NEK11: variants seen among roughly 807,000 people sequenced by gnomAD.
NEK11 encodes serine/threonine-protein kinase Nek11.
In NEK11, 72 loss-of-function variants were observed where a neutral mutation model predicts 80.7. The observed-to-expected ratio is 0.89, with a 90% CI of 0.74 to 1.08. NEK11 has a LOEUF of 1.08. NEK11 is among the 50% of genes least tolerant of loss of function. The probability of loss-of-function intolerance (pLI) is 0.00; values close to 1 mark genes in which losing one functional copy is unlikely to be tolerated. For missense variants in NEK11, 764 were observed against 763.6 expected (o/e 1.00, Z -0.01); for synonymous variants, 251 against 260.7 (o/e 0.96, Z 0.36).
chr3:131,163,051 A>G (rs974376464), intron 11 of NEK11, among the ~76,000 whole-genome samples: 1 of 152,224 alleles, frequency 6.6e-6, no homozygotes, highest in African/African-American at 2.4e-5. Flanking sequence ...AGATATCACT[A>G]GTAATTAGAG....
At chr3:131,134,114 C>T in intron 7 of NEK11, 158 bp downstream of exon 7, 1 of 566,668 alleles carries the variant, frequency 1.8e-6, no homozygotes, top group Non-Finnish European at 2.7e-6. Flanking sequence ...ATTTAGAACT[C>T]AATATATTTC....
At chr3:131,029,449 T>G (rs1162501086) in intron 2 of NEK11, 164 bp from the exon 3 acceptor site, 1 of 288,578 alleles carries the variant, frequency 3.5e-6, no homozygotes, top group Non-Finnish European at 6.4e-6. Context: ...AAGATTGCCT[T>G]CTGGAATTTG....
chr3:131,286,116 A>G (rs1291698141), intron 17 of NEK11, among the ~76,000 whole-genome samples: 1 of 152,212 alleles, frequency 6.6e-6, no homozygotes, highest in Non-Finnish European at 1.5e-5. Context: ...CCCTGACTTT[A>G]TGAGTTAGTG....
intron 17 of NEK11, among the ~76,000 whole-genome samples, chr3:131,304,957 G>C (rs990664109): frequency 6.6e-6 from 1 of 152,078 alleles, no homozygotes; most frequent in Non-Finnish European, 1.5e-5. Flanking sequence ...GCTGGTGGCA[G>C]TGATGGCATG....
chr3:131,053,024 A>T (rs2068707831), intron 3 of NEK11, among the ~76,000 whole-genome samples: 1 of 152,126 alleles, frequency 6.6e-6, no homozygotes, highest in South Asian at 2.1e-4. Flanking sequence ...GCCCCCCGGG[A>T]CACTCTTATT....
rs540341687 is a variant in NEK11, at chr3:131,302,718, C to T, written c.1718+29144C>T. Among the ~76,000 whole-genome samples, 39 of 151,994 alleles carry T rather than the reference C, an allele frequency of 2.6e-4. 2 individuals are homozygous for T. The South Asian group carries it at 7.3e-3, about 28-fold the overall frequency. Reference sequence around the variant, plus strand: ...TGTGCTGTGGACTGAGAGCTTGGTTCGTATGATTTCGATTTTTTTTCAGTT... The same window carrying T: ...TGTGCTGTGGACTGAGAGCTTGGTTTGTATGATTTCGATTTTTTTTCAGTT... On this transcript the variant is annotated intron_variant, in intron 17 of 17. Coordinates refer to ENST00000383366, the MANE Select transcript of NEK11 (RefSeq NM_024800.5).
chr3:131,316,660 C>T lies in NEK11; in HGVS notation c.1719-32897C>T, dbSNP rs1366736497. Among the ~76,000 whole-genome samples the T allele has an allele frequency of 2.6e-5, 4 of 152,084 alleles. No individual in the cohort carries two copies. In the South Asian group the frequency reaches 8.3e-4, roughly 32 times the overall value. ...TTTGTTTTTGCTTTTTTTGTTGATACTTTAAAAACAGTATCTTTATGTCAT... is the reference window on the plus strand; with the variant it reads ...TTTGTTTTTGCTTTTTTTGTTGATATTTTAAAAACAGTATCTTTATGTCAT... On this transcript the variant is annotated intron_variant, in intron 17 of 17. Coordinates refer to ENST00000383366, the MANE Select transcript of NEK11 (RefSeq NM_024800.5).
At chr3:131,314,225 G>A (rs2096812338) in intron 17 of NEK11, among the ~76,000 whole-genome samples, 1 of 152,048 alleles carries the variant, frequency 6.6e-6, no homozygotes, top group Non-Finnish European at 1.5e-5. Context: ...CTTCTGTGCT[G>A]TTACAGCATC....
rs2097186407 is a variant in NEK11, at chr3:131,336,475, GT to G, written c.1719-13079del. Among the ~76,000 whole-genome samples the G allele has an allele frequency of 1.4e-4, 21 of 152,238 alleles. No individual in the cohort carries two copies. In the South Asian group the frequency reaches 4.4e-3, roughly 32 times the overall value. On this transcript the variant is annotated intron_variant, in intron 17 of 17. Transcript: ENST00000383366. The stretch of plus-strand genomic sequence containing the variant: ...CTTATACAAAAATTAATTCAAGATG[GT>G]TTAAAGACTTAAACATTAGACCTGA...
intron 16 of NEK11, among the ~76,000 whole-genome samples, chr3:131,250,460 G>GACATTT (rs2095679767): frequency 1.3e-5 from 2 of 152,000 alleles, no homozygotes; most frequent in Non-Finnish European, 2.9e-5. Flanking sequence ...GACATTTGCA[G>GACATTT]GCATCCAATA....
At chr3:131,209,525 T>C (rs1019196193) in intron 14 of NEK11, among the ~76,000 whole-genome samples, 1 of 152,178 alleles carries the variant, frequency 6.6e-6, no homozygotes, top group African/African-American at 2.4e-5. Flanking sequence ...TCTTTTTCTA[T>C]TGATCTATTG....
intron 4 of NEK11, among the ~76,000 whole-genome samples, chr3:131,106,037 T>C (rs942144031): frequency 2.6e-5 from 4 of 152,244 alleles, no homozygotes; most frequent in African/African-American, 7.2e-5. Flanking sequence ...TTACATATTT[T>C]AATTAGAATT....
intron 4 of NEK11, among the ~76,000 whole-genome samples, chr3:131,081,899 T>C (rs563034088): frequency 3.9e-4 from 60 of 152,326 alleles, no homozygotes; most frequent in Admixed American, 6.5e-4. Flanking sequence ...AGAACAACCT[T>C]GCCTGCTTTA....
intron 17 of NEK11, among the ~76,000 whole-genome samples, chr3:131,295,086 T>C (rs892194546): frequency 6.6e-6 from 1 of 152,194 alleles, no homozygotes; most frequent in Non-Finnish European, 1.5e-5. Flanking sequence ...TCAAAGTGAT[T>C]ATTGATGTAG....
At chr3:131,282,592 G>A (rs1561361259) in intron 17 of NEK11, among the ~76,000 whole-genome samples, 1 of 152,172 alleles carries the variant, frequency 6.6e-6, no homozygotes, top group Non-Finnish European at 1.5e-5. Context: ...AGAGGCTGCA[G>A]AAGGCACAGG....
intron 14 of NEK11, among the ~76,000 whole-genome samples, chr3:131,209,336 G>A (rs890178493): frequency 1.8e-4 from 28 of 152,180 alleles, no homozygotes; most frequent in East Asian, 3.8e-4. Context: ...CAACGTGACC[G>A]TGGTGGATAA....
chr3:131,147,338 C>T (rs1261130054), intron 7 of NEK11, among the ~76,000 whole-genome samples: 8 of 152,074 alleles, frequency 5.3e-5, no homozygotes, highest in African/African-American at 1.7e-4. Context: ...TTTCCTCTAC[C>T]ATGCAGTGGT....
At position 131,058,041 on chromosome 3, in the gene NEK11, A is replaced by C. The variant is rs570333624; in HGVS notation, c.171-22382A>C. 2.3e-3 allele frequency among the ~76,000 whole-genome samples: 342 copies of C among 151,630 alleles called. 3 individuals are homozygous for C. Among genetic ancestry groups the C allele is most frequent in the Non-Finnish European group, 2.5e-3 (167 of 67,502 alleles). On this transcript the variant is annotated intron_variant, in intron 3 of 17. Transcript: ENST00000383366. ...TTTTAGGTCTAACATTTAAGTCTTTAATCCATCTTGAATTAATTTTTGTAT... is the reference window on the plus strand; with the variant it reads ...TTTTAGGTCTAACATTTAAGTCTTTCATCCATCTTGAATTAATTTTTGTAT...
chr3:131,034,481 GC>G (rs2109379097), intron 3 of NEK11, among the ~76,000 whole-genome samples: 1 of 152,116 alleles, frequency 6.6e-6, no homozygotes, highest in South Asian at 2.1e-4. Context: ...CTCACTGCAA[GC>G]TCCGCCTCCC....
Sources: allele counts gnomAD v4.1 joint callset (sites outside exome capture counted in the v4.1 genomes callset), GRCh38; gene constraint gnomAD v4.1.1; transcripts MANE v1.5; gene names NCBI Gene and HGNC (gene_info 2026-07-23, HGNC 2026-07-21).